Variants in SCGB1D1 observed in about 807,000 individuals in gnomAD.
SCGB1D1 encodes the protein secretoglobin family 1D member 1, also known as lipophilin A (uteroglobin family member).
Under a neutral mutation model 8.3 loss-of-function variants are expected in SCGB1D1, and 10 were observed. The ratio of observed to expected loss-of-function variants is 1.21; its 90% CI spans 0.74 to 2.05. The LOEUF (loss-of-function observed/expected upper bound fraction) is 2.05. Ranked by LOEUF, SCGB1D1 falls within the 30% of genes most tolerant of loss-of-function variation. SCGB1D1 has a pLI of 0.00. For synonymous variants in SCGB1D1, 46 were observed against 41.7 expected (o/e 1.10, Z -0.39); for missense variants, 94 against 105.1 (o/e 0.89, Z 0.46).
Position 62,192,075 on chromosome 11 carries a change from A to G in SCGB1D1, c.75A>G (p.Gln25=). ...CCYRANAVVC[Q]ALGSEITGFL... ...CTCCAGCAAATGCAGTGGTCTGCCA[A>G]GCTCTTGGTTCTGAAATCACAGGCT... is the stretch of plus-strand genomic sequence containing the variant. Residue 25 remains glutamine, a synonymous_variant, in exon 2 of 3, where the codon CAA becomes CAG. Transcript: ENST00000306238. 1 of 1,608,542 alleles carries G rather than the reference A, an allele frequency of 6.2e-7. No individual in the cohort carries two copies. Among genetic ancestry groups the G allele is most frequent in the South Asian group, 1.1e-5 (1 of 90,816 alleles).
chr11:62,190,524 G>A (rs1334064242), intron 1 of SCGB1D1, among the ~76,000 whole-genome samples, 185 bp downstream of exon 1: 1 of 152,146 alleles, frequency 6.6e-6, no homozygotes, highest in Non-Finnish European at 1.5e-5. Context: ...CAGTACCTAG[G>A]AAGTTTTGCA....
intron 1 of SCGB1D1, 74 bp downstream of exon 1, chr11:62,190,413 A>G (rs1944669972): frequency 1.3e-6 from 2 of 1,594,190 alleles, no homozygotes; most frequent in African/African-American, 2.7e-5. Flanking sequence ...TCACCTATTA[A>G]GGTTAAGGTT....
chr11:62,193,387 T>C lies in SCGB1D1; in HGVS notation c.244-12T>C. The C allele has an allele frequency of 6.2e-7, 1 of 1,612,550 alleles. No individual in the cohort carries two copies. The highest frequency in any genetic ancestry group is 8.5e-7 in the Non-Finnish European group (1 of 1,179,316). ...CCGACCTCACCTTCCTTTCTTTCCTTTTCTATTTCAGGGAAAAATAGCAGA... is the reference window on the plus strand; with the variant it reads ...CCGACCTCACCTTCCTTTCTTTCCTCTTCTATTTCAGGGAAAAATAGCAGA... On this transcript the variant is annotated splice_polypyrimidine_tract_variant and intron_variant, in intron 2 of 2. Coordinates refer to ENST00000306238, the MANE Select transcript of SCGB1D1 (RefSeq NM_006552.2).
In SCGB1D1 at chr11:62,192,196, G is replaced by A. The variant is rs146590023; in HGVS notation, c.196G>A (p.Val66Met). The change falls in exon 2 of 3, where the codon GTG (valine) becomes ATG (methionine). Residue 66 changes from valine to methionine, a missense_variant. Physicochemically the swap from Val to Met is conservative, Grantham distance 21. Coordinates refer to ENST00000306238, the MANE Select transcript of SCGB1D1 (RefSeq NM_006552.2). ...AGCCAAGATGGAAGTGAAGAAATGCGTGGATACGATGGCCTATGAGAAAAG... is the reference window on the plus strand; with the variant it reads ...AGCCAAGATGGAAGTGAAGAAATGCATGGATACGATGGCCTATGAGAAAAG... Reference protein sequence around the residue: ...VAAKMEVKKCVDTMAYEKRVL... With the variant: ...VAAKMEVKKCMDTMAYEKRVL... 54 of 1,613,584 alleles carry A rather than the reference G, an allele frequency of 3.3e-5. No homozygotes were observed. The South Asian group carries it at 3.6e-4, about 11-fold the overall frequency.
chr11:62,191,996 G>T, intron 1 of SCGB1D1, 60 bp from the exon 2 acceptor site: 1 of 1,441,570 alleles, frequency 6.9e-7, no homozygotes. Flanking sequence ...TGACATCAGG[G>T]AGGCATGGGA....
intron 2 of SCGB1D1, 117 bp downstream of exon 2, chr11:62,192,360 T>C (rs1299070421): frequency 3.4e-6 from 3 of 883,274 alleles, no homozygotes; most frequent in African/African-American, 3.3e-5. Context: ...GCCTTACTGG[T>C]CACCGCTTGA....
Position 62,190,273 on chromosome 11 carries a change from G to A in SCGB1D1, c.-12G>A, listed in dbSNP as rs376223065. The A allele has an allele frequency of 1.2e-6, 2 of 1,614,052 alleles. No individual in the cohort carries two copies. The highest frequency in any genetic ancestry group is 2.7e-5 in the African/African-American group (2 of 74,936). ...ATTGGTTAAAGCCGAGCTCACAGCAGAATAAGCCACCATGAGGCTGTCGGT... is the reference window on the plus strand; with the variant it reads ...ATTGGTTAAAGCCGAGCTCACAGCAAAATAAGCCACCATGAGGCTGTCGGT... On this transcript the variant is annotated 5_prime_UTR_variant, in exon 1 of 3. Coordinates refer to ENST00000306238, the MANE Select transcript of SCGB1D1 (RefSeq NM_006552.2).
Position 62,190,355 on chromosome 11 carries a change from A to G in SCGB1D1, c.55+16A>G. ...TGCTACCGGGGTGAGTACATCAGTC[A>G]TGAGTCCAGCACCAGCCCTTGGGAC... On this transcript the variant is annotated intron_variant, in intron 1 of 2. Transcript: ENST00000306238. 6.2e-7 allele frequency: 1 copy of G among 1,614,152 alleles called. No individual in the cohort carries two copies.
At position 62,190,251 on chromosome 11, in the gene SCGB1D1, G is replaced by T. The variant is rs768541991; in HGVS notation, c.-34G>T. On this transcript the variant is annotated 5_prime_UTR_variant, in exon 1 of 3. Transcript: ENST00000306238. Reference sequence around the variant, plus strand: ...GGCTGAGTCTAAATCACTCATCATTGGTTAAAGCCGAGCTCACAGCAGAAT... The same window carrying T: ...GGCTGAGTCTAAATCACTCATCATTTGTTAAAGCCGAGCTCACAGCAGAAT... The T allele has an allele frequency of 4.3e-6, 7 of 1,613,814 alleles. No homozygotes were observed. The highest frequency in any genetic ancestry group is 5.9e-6 in the Non-Finnish European group (7 of 1,179,778).
At chr11:62,190,526 A>C (rs746517119) in intron 1 of SCGB1D1, among the ~76,000 whole-genome samples, 187 bp downstream of exon 1, 4 of 152,182 alleles carry the variant, frequency 2.6e-5, no homozygotes, top group Middle Eastern at 3.2e-3. Flanking sequence ...GTACCTAGGA[A>C]GTTTTGCAGA....
Position 62,193,473 on chromosome 11 carries a change from T to G in SCGB1D1, c.*45T>G, listed in dbSNP as rs370083682. 1.3e-6 allele frequency: 2 copies of G among 1,504,286 alleles called. No individual in the cohort carries two copies. Among genetic ancestry groups the G allele is most frequent in the Non-Finnish European group, 9.2e-7 (1 of 1,081,754 alleles). The allele number at this position is 1,504,286 out of a possible 1,614,324, so 93.2% of individuals were successfully genotyped here. ...GCTAGTTTCCACCATCTTTCAATGA[T>G]ACCCTGATCTTCACTGCAGAATGTA... is the stretch of plus-strand genomic sequence containing the variant. On this transcript the variant is annotated 3_prime_UTR_variant, in exon 3 of 3. Transcript: ENST00000306238.
In SCGB1D1 at chr11:62,190,228, C is replaced by T; in HGVS notation, c.-57C>T. ...TCCACGGCTCCACAGGCTCCCGGGG[C>T]TGAGTCTAAATCACTCATCATTGGT... On this transcript the variant is annotated 5_prime_UTR_variant, in exon 1 of 3. Transcript: ENST00000306238. 3.1e-6 allele frequency: 5 copies of T among 1,608,960 alleles called. No homozygotes were observed. The highest frequency in any genetic ancestry group is 4.3e-6 in the Non-Finnish European group (5 of 1,175,714).
At chr11:62,190,412 A>AAT in intron 1 of SCGB1D1, 73 bp downstream of exon 1, 1 of 1,593,086 alleles carries the variant, frequency 6.3e-7, no homozygotes, top group Non-Finnish European at 8.6e-7. Flanking sequence ...GTCACCTATT[A>AAT]AGGTTAAGGT....
chr11:62,193,083 G>A (rs1944691626), intron 2 of SCGB1D1, among the ~76,000 whole-genome samples: 1 of 152,202 alleles, frequency 6.6e-6, no homozygotes, highest in Admixed American at 6.5e-5. Flanking sequence ...CAACCTCTCA[G>A]CACTGGGTCT....
chr11:62,191,324 C>A (rs1944676404), intron 1 of SCGB1D1, among the ~76,000 whole-genome samples: 2 of 152,134 alleles, frequency 1.3e-5, no homozygotes, highest in Non-Finnish European at 2.9e-5. Context: ...CCAGACCAAG[C>A]AAAATGATTA....
chr11:62,193,409 C>T lies in SCGB1D1; in HGVS notation c.254C>T (p.Ala85Val), dbSNP rs1179474265. ...VLITKTLGKI[A>V]EKCDR is the part of the protein sequence containing the mutation. Reference sequence around the variant, plus strand: ...CCTTTTCTATTTCAGGGAAAAATAGCAGAGAAATGTGATCGCTGAGATGTA... The same window carrying T: ...CCTTTTCTATTTCAGGGAAAAATAGTAGAGAAATGTGATCGCTGAGATGTA... Residue 85 changes from alanine (A) to valine (V), a missense_variant, in exon 3 of 3, where the codon GCA becomes GTA. By Grantham distance (64) the Ala-to-Val change is moderately conservative (BLOSUM62 0). Coordinates refer to ENST00000306238, the MANE Select transcript of SCGB1D1 (RefSeq NM_006552.2). 6.2e-7 allele frequency: 1 copy of T among 1,612,488 alleles called. No individual in the cohort carries two copies. The highest frequency in any genetic ancestry group is 8.5e-7 in the Non-Finnish European group (1 of 1,179,330).
At position 62,190,279 on chromosome 11, in the gene SCGB1D1, G is replaced by A; in HGVS notation, c.-6G>A. ...TAAAGCCGAGCTCACAGCAGAATAAGCCACCATGAGGCTGTCGGTGTGTCT... is the reference window on the plus strand; with the variant it reads ...TAAAGCCGAGCTCACAGCAGAATAAACCACCATGAGGCTGTCGGTGTGTCT... On this transcript the variant is annotated 5_prime_UTR_variant, in exon 1 of 3. Coordinates refer to ENST00000306238, the MANE Select transcript of SCGB1D1 (RefSeq NM_006552.2). The A allele has an allele frequency of 2.5e-6, 4 of 1,614,162 alleles. No individual in the cohort carries two copies. The highest frequency in any genetic ancestry group is 3.4e-6 in the Non-Finnish European group (4 of 1,180,022).
chr11:62,190,856 G>T (rs1565115914), intron 1 of SCGB1D1, among the ~76,000 whole-genome samples: 1 of 152,190 alleles, frequency 6.6e-6, no homozygotes, highest in African/African-American at 2.4e-5. Flanking sequence ...TTCTTACATT[G>T]TAAATTCAGA....
In SCGB1D1 at chr11:62,192,259, T is replaced by C; in HGVS notation, c.243+16T>C. On this transcript the variant is annotated intron_variant, in intron 2 of 2. Transcript: ENST00000306238. ...AAAAACATTGGTAATTTCTGTCTCTTTCATGTGTCCAGGCTTCTGGTCAGC... is the reference window on the plus strand; with the variant it reads ...AAAAACATTGGTAATTTCTGTCTCTCTCATGTGTCCAGGCTTCTGGTCAGC... 7.1e-7 allele frequency: 1 copy of C among 1,404,898 alleles called. No homozygotes were observed. Among genetic ancestry groups the C allele is most frequent in the Non-Finnish European group, 1.0e-6 (1 of 994,866 alleles). The allele number at this position is 1,404,898 out of a possible 1,614,324, so 87.0% of individuals were successfully genotyped here. A position where few individuals can be genotyped will look rare whatever the true frequency, so the allele number is the denominator to read the frequency against.
Sources: allele counts gnomAD v4.1 joint callset (sites outside exome capture counted in the v4.1 genomes callset), GRCh38; gene constraint gnomAD v4.1.1; transcripts MANE v1.5; gene names NCBI Gene and HGNC (gene_info 2026-07-23, HGNC 2026-07-21).